TMCC1: variants seen among roughly 807,000 people sequenced by gnomAD.
TMCC1 encodes transmembrane and coiled-coil domain family 1.
In TMCC1, 15 loss-of-function variants were observed where a neutral mutation model predicts 52.4. That is an observed-to-expected ratio of 0.29 (90% CI 0.19 to 0.44). The LOEUF is 0.44. Ranked by LOEUF, TMCC1 falls within the 20% of genes least tolerant of loss-of-function variation. The probability of loss-of-function intolerance (pLI) is 1.00; values close to 1 mark genes in which losing one functional copy is unlikely to be tolerated. For missense variants in TMCC1, 503 were observed against 806.0 expected (o/e 0.62, Z 4.55); for synonymous variants, 279 against 301.9 (o/e 0.92, Z 0.79).
chr3:129,714,489 G>C (rs951340971), intron 4 of TMCC1, among the ~76,000 whole-genome samples: 1 of 151,938 alleles, frequency 6.6e-6, no homozygotes, highest in African/African-American at 2.4e-5. Flanking sequence ...CTGGAAACTC[G>C]AACTTTTAAC....
At chr3:129,686,863 T>TA (rs2089444259) in intron 4 of TMCC1, among the ~76,000 whole-genome samples, 1 of 152,166 alleles carries the variant, frequency 6.6e-6, no homozygotes, top group African/African-American at 2.4e-5. Context: ...AAAGCACTAT[T>TA]ACAGTAGGTT....
chr3:129,893,434 C>T (rs1560638755), intron 1 of TMCC1, 60 bp downstream of exon 1: 1 of 152,062 alleles, frequency 6.6e-6, no homozygotes, highest in South Asian at 2.1e-4. Context: ...CCACCCACCG[C>T]GGAGGGCCGT....
intron 4 of TMCC1, among the ~76,000 whole-genome samples, chr3:129,681,434 T>C (rs1464982913): frequency 6.6e-6 from 1 of 152,042 alleles, no homozygotes; most frequent in East Asian, 1.9e-4. Flanking sequence ...AGGTAAAGAA[T>C]GATAAGTAGT....
chr3:129,769,013 G>A lies in TMCC1; in HGVS notation c.576+58790C>T, dbSNP rs1576768452. On this transcript the variant is annotated intron_variant, in intron 4 of 6. Coordinates refer to ENST00000393238, the MANE Select transcript of TMCC1 (RefSeq NM_001017395.5). The stretch of plus-strand genomic sequence containing the variant: ...AATATCGTAAGGGAAGAAAGTGAGG[G>A]GTAAAGAACTTGACAGCATACTTTA... Among the ~76,000 whole-genome samples the A allele has an allele frequency of 5.3e-5, 8 of 152,234 alleles. 2 individuals carry two copies. The highest frequency in any genetic ancestry group is 5.2e-4 in the Admixed American group (8 of 15,302).
chr3:129,662,169 C>T (rs1192037532), intron 5 of TMCC1, among the ~76,000 whole-genome samples: 1 of 151,866 alleles, frequency 6.6e-6, no homozygotes, highest in East Asian at 1.9e-4. Context: ...AGACACAAAT[C>T]GGGGCAGAGG....
chr3:129,706,039 C>T (rs955181615), intron 4 of TMCC1, among the ~76,000 whole-genome samples: 62 of 151,206 alleles, frequency 4.1e-4, no homozygotes, highest in African/African-American at 1.4e-3. Flanking sequence ...TACAAGCGTG[C>T]GCCACCATGC....
At chr3:129,761,527 T>C (rs952437693) in intron 4 of TMCC1, among the ~76,000 whole-genome samples, 13 of 151,990 alleles carry the variant, frequency 8.6e-5, no homozygotes, top group Non-Finnish European at 8.8e-5. Flanking sequence ...TTAAAATTAG[T>C]ATACTTTCCC....
intron 4 of TMCC1, among the ~76,000 whole-genome samples, chr3:129,731,681 A>AT (rs77948753): frequency 6.6e-6 from 1 of 151,860 alleles, no homozygotes; most frequent in East Asian, 1.9e-4. Flanking sequence ...CTGGCCCAAA[A>AT]TTTTTTTACA....
chr3:129,789,489 C>CA (rs2056295581), intron 4 of TMCC1, among the ~76,000 whole-genome samples: 5 of 151,470 alleles, frequency 3.3e-5, no homozygotes. Context: ...TTCTCCACTT[C>CA]TTTTTTTTTG....
intron 4 of TMCC1, among the ~76,000 whole-genome samples, chr3:129,750,275 C>T (rs937762274): frequency 6.6e-6 from 1 of 152,168 alleles, no homozygotes; most frequent in Non-Finnish European, 1.5e-5. Context: ...ACTGCAACCT[C>T]TGCCTCCTGG....
At chr3:129,815,339 C>A (rs1168942421) in intron 4 of TMCC1, among the ~76,000 whole-genome samples, 1 of 152,066 alleles carries the variant, frequency 6.6e-6, no homozygotes, top group African/African-American at 2.4e-5. Context: ...TATCACACTA[C>A]CTGACTTCAA....
intron 2 of TMCC1, among the ~76,000 whole-genome samples, chr3:129,837,565 TC>T (rs2059219945): frequency 6.6e-6 from 1 of 152,144 alleles, no homozygotes; most frequent in African/African-American, 2.4e-5. Flanking sequence ...AGTAAGCATA[TC>T]AAGCATATAC....
intron 2 of TMCC1, among the ~76,000 whole-genome samples, chr3:129,842,427 C>A (rs1309738349): frequency 6.6e-6 from 1 of 151,842 alleles, no homozygotes; most frequent in Middle Eastern, 3.2e-3. Flanking sequence ...GATCGTGCCA[C>A]TGTATTCCAG....
At chr3:129,885,372 G>T (rs755982739) in intron 1 of TMCC1, among the ~76,000 whole-genome samples, 1 of 151,882 alleles carries the variant, frequency 6.6e-6, no homozygotes, top group Non-Finnish European at 1.5e-5. Context: ...AGGATCACCT[G>T]AGGTCAGGAG....
intron 4 of TMCC1, among the ~76,000 whole-genome samples, chr3:129,789,954 CTT>C (rs1291138022): frequency 6.6e-6 from 1 of 152,138 alleles, no homozygotes; most frequent in African/African-American, 2.4e-5. Context: ...ATGCCACAAA[CTT>C]ATTTCTCAGC....
intron 1 of TMCC1, 56 bp downstream of exon 1, chr3:129,893,438 G>A (rs1285346249): frequency 6.6e-6 from 1 of 152,016 alleles, no homozygotes; most frequent in Non-Finnish European, 1.5e-5. Flanking sequence ...CCACCGCGGA[G>A]GGCCGTGAGG....
At chr3:129,701,366 A>G (rs2047818185) in intron 4 of TMCC1, among the ~76,000 whole-genome samples, 1 of 152,206 alleles carries the variant, frequency 6.6e-6, no homozygotes, top group African/African-American at 2.4e-5. Context: ...CTTCAGCTAG[A>G]AAGTCCCTAA....
At chr3:129,815,367 T>A (rs2717244) in intron 4 of TMCC1, among the ~76,000 whole-genome samples, 1 of 151,736 alleles carries the variant, frequency 6.6e-6, no homozygotes, top group East Asian at 1.9e-4. Context: ...TATAAAGCAA[T>A]AGTAAACATA....
intron 2 of TMCC1, among the ~76,000 whole-genome samples, chr3:129,840,219 T>C (rs1270544360): frequency 1.2e-4 from 18 of 147,860 alleles, no homozygotes; most frequent in African/African-American, 4.5e-4. Context: ...TCCAGCTACT[T>C]AGGACATTGA....
Sources: allele counts gnomAD v4.1 joint callset (sites outside exome capture counted in the v4.1 genomes callset), GRCh38; gene constraint gnomAD v4.1.1; transcripts MANE v1.5; gene names NCBI Gene and HGNC (gene_info 2026-07-23, HGNC 2026-07-21).